The following CUX2 variants were observed in gnomAD, a reference collection of about 807,000 sequenced individuals.
CUX2 encodes the protein homeobox protein cut-like 2.
CUX2 carries 40 observed loss-of-function variants against 144.8 expected under a neutral mutation model. That is an observed-to-expected ratio of 0.28 (90% CI 0.21 to 0.36). CUX2 has a LOEUF of 0.36. Ranked by LOEUF, CUX2 falls within the 10% of genes least tolerant of loss-of-function variation. The pLI is 1.00. For missense variants in CUX2, 1,615 were observed against 1,994.0 expected, an observed-to-expected ratio of 0.81 and a Z score of 3.62; for synonymous variants, 827 against 875.6, an observed-to-expected ratio of 0.94 and a Z score of 0.98.
chr12:111,274,524 C>T (rs1257482585), intron 4 of CUX2, among the ~76,000 whole-genome samples: 2 of 152,206 alleles, frequency 1.3e-5, no homozygotes, highest in African/African-American at 4.8e-5. Context: ...GAAAGAAGAC[C>T]CTCATTCCCA....
intron 1 of CUX2, among the ~76,000 whole-genome samples, chr12:111,078,443 G>A (rs551640660): frequency 6.6e-6 from 1 of 152,150 alleles, no homozygotes; most frequent in East Asian, 1.9e-4. Flanking sequence ...GAGGCAGGAG[G>A]CTCACTTGAA....
intron 1 of CUX2, among the ~76,000 whole-genome samples, chr12:111,156,845 C>T (rs1011345782): frequency 6.6e-6 from 1 of 151,688 alleles, no homozygotes; most frequent in African/African-American, 2.4e-5. Flanking sequence ...GGAGTGGTGG[C>T]GCATGCCTGT....
intron 3 of CUX2, among the ~76,000 whole-genome samples, chr12:111,243,905 G>A (rs1382348426): frequency 6.6e-6 from 1 of 152,112 alleles, no homozygotes; most frequent in Non-Finnish European, 1.5e-5. Flanking sequence ...GTGTTCGTGA[G>A]CACATGTGCC....
intron 1 of CUX2, among the ~76,000 whole-genome samples, chr12:111,050,697 G>T (rs766860253): frequency 1.1e-4 from 16 of 151,904 alleles, no homozygotes; most frequent in Non-Finnish European, 1.8e-4. Flanking sequence ...CTCCACCATC[G>T]TCACTTGGAC....
At chr12:111,146,582 A>G (rs562097237) in intron 1 of CUX2, among the ~76,000 whole-genome samples, 1 of 152,200 alleles carries the variant, frequency 6.6e-6, no homozygotes, top group African/African-American at 2.4e-5. Context: ...CCACAGGTAG[A>G]TTCTGTTATT....
At chr12:111,294,880 AG>A (rs1325672617) in intron 6 of CUX2, among the ~76,000 whole-genome samples, 2 of 152,120 alleles carry the variant, frequency 1.3e-5, no homozygotes, top group African/African-American at 4.8e-5. Flanking sequence ...CCTGGGCGAC[AG>A]AGCGAGACTC....
intron 1 of CUX2, among the ~76,000 whole-genome samples, chr12:111,140,365 T>A (rs1876229978): frequency 6.6e-6 from 1 of 152,208 alleles, no homozygotes; most frequent in African/African-American, 2.4e-5. Flanking sequence ...TACCATAGAT[T>A]GAGCTAGCAG....
chr12:111,314,639 T>TAAAAAAAAAAAAAAAAAAAAAAAA (rs954472479), intron 16 of CUX2, among the ~76,000 whole-genome samples: 1 of 23,236 alleles, frequency 4.3e-5, no homozygotes, highest in African/African-American at 1.6e-4. Flanking sequence ...AAACTCAGTC[T>TAAAAAAAAAAAAAAAAAAAAAAAA]AAAAAAAAAA....
At chr12:111,229,042 G>T (rs535631971) in intron 3 of CUX2, among the ~76,000 whole-genome samples, 3 of 152,288 alleles carry the variant, frequency 2.0e-5, no homozygotes, top group African/African-American at 7.2e-5. Flanking sequence ...ATATAAAGGC[G>T]TAGAACAGTG....
intron 1 of CUX2, among the ~76,000 whole-genome samples, chr12:111,150,221 CTT>C (rs777336143): frequency 6.6e-5 from 10 of 152,070 alleles, no homozygotes; most frequent in Non-Finnish European, 1.0e-4. Flanking sequence ...TCAGCTTTCT[CTT>C]TGTGTTTTTC....
chr12:111,202,290 T>C (rs1373044534), intron 1 of CUX2, among the ~76,000 whole-genome samples: 1 of 152,172 alleles, frequency 6.6e-6, no homozygotes, highest in Non-Finnish European at 1.5e-5. Flanking sequence ...TGGGGGCTAT[T>C]TTGTTTTCCT....
At chr12:111,214,057 T>C in intron 1 of CUX2, 143 bp from the exon 2 acceptor site, 1 of 424,902 alleles carries the variant, frequency 2.4e-6, no homozygotes. Flanking sequence ...GTGCCAGGAG[T>C]CAATATCCTG....
intron 1 of CUX2, among the ~76,000 whole-genome samples, chr12:111,092,805 ATTTTTTT>A (rs528129107): frequency 4.5e-4 from 48 of 106,036 alleles, no homozygotes; most frequent in Middle Eastern, 5.5e-3. Context: ...GCTCTGGCAG[ATTTTTTT>A]TTTTTTTTTT....
At chr12:111,254,669 A>G (rs547702325) in intron 3 of CUX2, among the ~76,000 whole-genome samples, 2 of 152,326 alleles carry the variant, frequency 1.3e-5, no homozygotes, top group East Asian at 3.9e-4. Flanking sequence ...GAAAGTTCAA[A>G]AGGAATTAAT....
chr12:111,306,496 G>A (rs1053598855), intron 10 of CUX2, among the ~76,000 whole-genome samples: 2 of 152,096 alleles, frequency 1.3e-5, no homozygotes, highest in African/African-American at 2.4e-5. Context: ...ATTAGGCGGA[G>A]GAAAGAGCCG....
chr12:111,275,670 C>G (rs1434901782), intron 4 of CUX2, among the ~76,000 whole-genome samples: 1 of 152,188 alleles, frequency 6.6e-6, no homozygotes, highest in African/African-American at 2.4e-5. Context: ...TAGTATTTCC[C>G]CAAGTGCGGA....
At chr12:111,330,724 T>TATATATACATATACATATAC (rs1592977283) in intron 18 of CUX2, among the ~76,000 whole-genome samples, 7 of 51,328 alleles carry the variant, frequency 1.4e-4, no homozygotes, top group Non-Finnish European at 2.6e-4. Flanking sequence ...TATATATATA[T>TATATATACATATACATATAC]ATATATATAT....
chr12:111,325,101 C>T (rs1033632233), intron 18 of CUX2, among the ~76,000 whole-genome samples: 25 of 148,512 alleles, frequency 1.7e-4, no homozygotes, highest in East Asian at 6.0e-4. Context: ...CTGGCTAACT[C>T]GGTGAAACCC....
intron 4 of CUX2, among the ~76,000 whole-genome samples, chr12:111,274,032 G>T (rs760884329): frequency 6.6e-6 from 1 of 152,204 alleles, no homozygotes; most frequent in Non-Finnish European, 1.5e-5. Context: ...TTTCTGTACA[G>T]CTCAGTATAT....
Sources: allele counts gnomAD v4.1 joint callset (sites outside exome capture counted in the v4.1 genomes callset), GRCh38; gene constraint gnomAD v4.1.1; transcripts MANE v1.5; gene names NCBI Gene and HGNC (gene_info 2026-07-23, HGNC 2026-07-21).